TMCO4: variants seen among roughly 807,000 people sequenced by gnomAD.
TMCO4 encodes the protein transmembrane and coiled-coil domain-containing protein 4.
In TMCO4, 58 loss-of-function variants were observed where a neutral mutation model predicts 64.7. The observed-to-expected ratio is 0.90, with a 90% CI of 0.73 to 1.12. The LOEUF (loss-of-function observed/expected upper bound fraction) is 1.12. Among genes scored for constraint, TMCO4 ranks in the 50% most tolerant of loss-of-function variants. The pLI is 0.00. For missense variants in TMCO4, 780 were observed against 825.9 expected (o/e 0.94, Z 0.68); for synonymous variants, 325 against 346.1 (o/e 0.94, Z 0.68).
In TMCO4 at chr1:19,682,927, G is replaced by A; in HGVS notation, c.*113C>T. On this transcript the variant is annotated 3_prime_UTR_variant, in exon 16 of 16. Transcript: ENST00000294543. The stretch of plus-strand genomic sequence containing the variant: ...TTTCAGTTCCAATTCCTTCCATTTA[G>A]GAAAGAGGCCTGTGGAAATCCTGTA... The A allele has an allele frequency of 7.4e-7, 1 of 1,344,070 alleles. No individual in the cohort carries two copies. Among genetic ancestry groups the A allele is most frequent in the Non-Finnish European group, 1.0e-6 (1 of 977,124 alleles). 83.3% of individuals were successfully genotyped at this position (1,344,070 alleles called of 1,614,324 possible).
At chr1:19,718,948 T>C (rs2095369405) in intron 13 of TMCO4, among the ~76,000 whole-genome samples, 1 of 152,136 alleles carries the variant, frequency 6.6e-6, no homozygotes, top group South Asian at 2.1e-4. Context: ...AACTGCTAAC[T>C]ACACACAACG....
At chr1:19,735,058 AG>A (rs892967953) in intron 13 of TMCO4, among the ~76,000 whole-genome samples, 4 of 152,176 alleles carry the variant, frequency 2.6e-5, no homozygotes, top group South Asian at 4.2e-4. Flanking sequence ...GCTGGGCACT[AG>A]GGGGGCGGCA....
chr1:19,781,119 T>C (rs1160651430), intron 3 of TMCO4, among the ~76,000 whole-genome samples: 1 of 136,510 alleles, frequency 7.3e-6, no homozygotes, highest in Admixed American at 8.6e-5. Context: ...CACTCCAGCC[T>C]GGCTGACAGA....
chr1:19,785,415 C>T (rs1024344193), intron 3 of TMCO4, among the ~76,000 whole-genome samples: 28 of 152,130 alleles, frequency 1.8e-4, no homozygotes, highest in African/African-American at 6.3e-4. Context: ...CCTGTGTGTA[C>T]GAGGCAGTTC....
intron 8 of TMCO4, 116 bp downstream of exon 8, chr1:19,747,047 A>T: frequency 9.8e-7 from 1 of 1,016,000 alleles, no homozygotes; most frequent in Non-Finnish European, 1.5e-6. Context: ...TACCTACCAC[A>T]TGCCAGGGGC....
intron 15 of TMCO4, among the ~76,000 whole-genome samples, chr1:19,689,560 G>T (rs2095176054): frequency 1.3e-5 from 2 of 152,198 alleles, no homozygotes; most frequent in Non-Finnish European, 2.9e-5. Flanking sequence ...CTGGCCCAAG[G>T]TCACACAGCC....
chr1:19,721,746 GC>G (rs1417409683), intron 13 of TMCO4, among the ~76,000 whole-genome samples: 2 of 152,030 alleles, frequency 1.3e-5, no homozygotes, highest in African/African-American at 4.8e-5. Flanking sequence ...TTGAAATTGT[GC>G]CACCGCACTC....
At chr1:19,751,953 C>A (rs903164260) in intron 7 of TMCO4, among the ~76,000 whole-genome samples, 1 of 151,578 alleles carries the variant, frequency 6.6e-6, no homozygotes, top group African/African-American at 2.4e-5. Flanking sequence ...GAGGCTGAGG[C>A]AGGAGAATGG....
At chr1:19,765,555 G>GT (rs75141678) in intron 6 of TMCO4, among the ~76,000 whole-genome samples, 25 of 152,114 alleles carry the variant, frequency 1.6e-4, no homozygotes, top group African/African-American at 4.6e-4. Flanking sequence ...ACACAGAATA[G>GT]CCCCCCACAA....
At chr1:19,695,890 C>T (rs2095232968) in intron 14 of TMCO4, among the ~76,000 whole-genome samples, 1 of 152,160 alleles carries the variant, frequency 6.6e-6, no homozygotes, top group Non-Finnish European at 1.5e-5. Context: ...CAAGTAGAAA[C>T]CAATGTCTTG....
At chr1:19,770,665 G>A in intron 5 of TMCO4, 96 bp from the exon 6 acceptor site, 1 of 1,322,382 alleles carries the variant, frequency 7.6e-7, no homozygotes, top group Admixed American at 2.2e-5. Context: ...GGCAGAACAA[G>A]ACAGACAAAA....
chr1:19,747,128 C>T (rs1440573328), intron 8 of TMCO4, 35 bp downstream of exon 8: 20 of 1,604,942 alleles, frequency 1.2e-5, no homozygotes, highest in Non-Finnish European at 1.7e-5. Context: ...GTCTACAAAA[C>T]CCAGACGTGT....
chr1:19,709,808 G>A (rs1277212422), intron 13 of TMCO4, among the ~76,000 whole-genome samples: 1 of 135,936 alleles, frequency 7.4e-6, no homozygotes, highest in Non-Finnish European at 1.5e-5. Flanking sequence ...TTTTTTTTTA[G>A]ACAGAATCTC....
chr1:19,691,080 G>A (rs554555442), intron 15 of TMCO4, among the ~76,000 whole-genome samples: 130 of 152,174 alleles, frequency 8.5e-4, no homozygotes, highest in Admixed American at 2.3e-3. Flanking sequence ...GTGTTAGCCA[G>A]GATGGTCTCG....
chr1:19,748,985 G>C (rs2041913905), intron 7 of TMCO4, among the ~76,000 whole-genome samples: 1 of 152,208 alleles, frequency 6.6e-6, no homozygotes, highest in Non-Finnish European at 1.5e-5. Context: ...GTAAAGCCCA[G>C]TGTTTCTCAG....
At chr1:19,725,252 C>T (rs1010792165) in intron 13 of TMCO4, among the ~76,000 whole-genome samples, 1 of 152,204 alleles carries the variant, frequency 6.6e-6, no homozygotes, top group African/African-American at 2.4e-5. Flanking sequence ...GCTGGCTCAG[C>T]TCAGCGTGTC....
intron 7 of TMCO4, 119 bp downstream of exon 7, chr1:19,755,515 C>T: frequency 2.8e-6 from 4 of 1,439,254 alleles, no homozygotes; most frequent in Non-Finnish European, 2.8e-6. Flanking sequence ...GGGACTCTGT[C>T]CAGGGCTCCT....
chr1:19,793,265 G>A (rs1425914156), intron 2 of TMCO4, among the ~76,000 whole-genome samples: 1 of 152,052 alleles, frequency 6.6e-6, no homozygotes, highest in Non-Finnish European at 1.5e-5. Context: ...GCATTAATAG[G>A]GAGATGGCTA....
rs750642876 is a variant in TMCO4, at chr1:19,747,274, G to T, written c.516-14C>A. On this transcript the variant is annotated splice_polypyrimidine_tract_variant and intron_variant, in intron 7 of 15. Coordinates refer to ENST00000294543, the MANE Select transcript of TMCO4 (RefSeq NM_181719.7). ...GCCTCGGCCATTCTGAGGGAAAAGA[G>T]GCTGGTCTTTAGGGCCAGCTGTGCC... 1 of 1,610,740 alleles carries T rather than the reference G, an allele frequency of 6.2e-7. No homozygotes were observed. The highest frequency in any genetic ancestry group is 1.3e-5 in the African/African-American group (1 of 74,876).
Sources: allele counts gnomAD v4.1 joint callset (sites outside exome capture counted in the v4.1 genomes callset), GRCh38; gene constraint gnomAD v4.1.1; transcripts MANE v1.5; gene names NCBI Gene and HGNC (gene_info 2026-07-23, HGNC 2026-07-21).